The following CCDC85C variants were observed in gnomAD, a reference collection of about 807,000 sequenced individuals.
CCDC85C encodes the protein coiled-coil domain-containing protein 85C.
CCDC85C carries 18 observed loss-of-function variants against 38.3 expected under a neutral mutation model. That is an observed-to-expected ratio of 0.47 (90% CI 0.33 to 0.70). The LOEUF (loss-of-function observed/expected upper bound fraction) is 0.70, where lower values mean the gene tolerates loss of function less well. CCDC85C is among the 30% of genes least tolerant of loss of function. The pLI, the probability that CCDC85C is intolerant of heterozygous loss-of-function variation, is 0.03. For missense variants in CCDC85C, 566 were observed against 621.2 expected, an observed-to-expected ratio of 0.91 and a Z score of 0.94; for synonymous variants, 264 against 293.8, an observed-to-expected ratio of 0.90 and a Z score of 1.04.
At chr14:99,566,880 G>A (rs1241306496) in intron 1 of CCDC85C, among the ~76,000 whole-genome samples, 1 of 152,174 alleles carries the variant, frequency 6.6e-6, no homozygotes, top group East Asian at 1.9e-4. Flanking sequence ...TGAAGGGAAG[G>A]GGCCTAGATG....
rs189610682 is a variant in CCDC85C at position 99,565,311 on chromosome 14, C to T, written c.794-29223G>A. On this transcript the variant is annotated intron_variant, in intron 1 of 5. Transcript: ENST00000380243. ...GCTCAGCTCTGAGCAGGCTCTCTCA[C>T]GCCATGGAGGTCTGACCCCCAGTGC... Among the ~76,000 whole-genome samples, 8 of 152,370 alleles carry T rather than the reference C, an allele frequency of 5.3e-5. No individual in the cohort carries two copies. In the East Asian group the frequency reaches 7.7e-4, roughly 15 times the overall value.
intron 1 of CCDC85C, among the ~76,000 whole-genome samples, chr14:99,578,801 C>T (rs187749701): frequency 2.6e-5 from 4 of 152,288 alleles, no homozygotes; most frequent in South Asian, 2.1e-4. Context: ...CTTCCAAGAC[C>T]GGAGCTGGCT....
intron 1 of CCDC85C, among the ~76,000 whole-genome samples, chr14:99,590,308 C>T (rs375556422): frequency 5.3e-5 from 8 of 152,304 alleles, no homozygotes; most frequent in East Asian, 3.9e-4. Flanking sequence ...ATACTCCCTG[C>T]GCTGTTCCGT....
chr14:99,546,059 G>C lies in CCDC85C; in HGVS notation c.794-9971C>G, dbSNP rs899018321. Reference sequence around the variant, plus strand: ...ATCGCGCAGGACTGAAGTCTGCATGGGGGGGGGGAATAAACAACCCTTACC... The same window carrying C: ...ATCGCGCAGGACTGAAGTCTGCATGCGGGGGGGGAATAAACAACCCTTACC... On this transcript the variant is annotated intron_variant, in intron 1 of 5. Transcript: ENST00000380243. Among the ~76,000 whole-genome samples the C allele has an allele frequency of 4.2e-5, 5 of 118,406 alleles. 1 individual carries two copies. The highest frequency in any genetic ancestry group is 2.0e-4 in the East Asian group (1 of 5,074). 77.7% of individuals were successfully genotyped at this position (118,406 alleles called of 152,430 possible). A position where few individuals can be genotyped will look rare whatever the true frequency, so the allele number is the denominator to read the frequency against.
intron 1 of CCDC85C, among the ~76,000 whole-genome samples, chr14:99,539,545 T>G (rs1897671124): frequency 1.3e-5 from 2 of 152,106 alleles, no homozygotes; most frequent in Admixed American, 1.3e-4. Flanking sequence ...AAATAACTAT[T>G]TGTCCAACAA....
chr14:99,516,510 C>T lies in CCDC85C; in HGVS notation c.1072-224G>A, dbSNP rs947771982. 1.1e-4 allele frequency among the ~76,000 whole-genome samples: 17 copies of T among 152,144 alleles called. No homozygotes were observed. The highest frequency in any genetic ancestry group is 3.9e-4 in the East Asian group (2 of 5,190). Reference sequence around the variant, plus strand: ...GGAAGCAGCTCATGGCTGGGCCACCCGGGAGGAAGTAGACAGGCTGGGCAA... The same window carrying T: ...GGAAGCAGCTCATGGCTGGGCCACCTGGGAGGAAGTAGACAGGCTGGGCAA... On this transcript the variant is annotated intron_variant, in intron 4 of 5. Coordinates refer to ENST00000380243, the MANE Select transcript of CCDC85C (RefSeq NM_001144995.2). The surrounding 1 kb of genome is among the most constrained non-coding windows in gnomAD (Gnocchi z 5.5).
chr14:99,563,948 C>G (rs1248737633), intron 1 of CCDC85C, among the ~76,000 whole-genome samples: 1 of 152,206 alleles, frequency 6.6e-6, no homozygotes, highest in Non-Finnish European at 1.5e-5. Context: ...TTGGCCATTT[C>G]AAGCATCGCT....
rs773964458 is a variant in CCDC85C, at chr14:99,515,222, G to T, written c.*24C>A. On this transcript the variant is annotated 3_prime_UTR_variant, in exon 6 of 6. Transcript: ENST00000380243. ...CCCCTGGGGACCCCCAGCAGGGCCAGTCCACGTCCACAGAAGAGTGGCCCT... is the reference window on the plus strand; with the variant it reads ...CCCCTGGGGACCCCCAGCAGGGCCATTCCACGTCCACAGAAGAGTGGCCCT... The T allele has an allele frequency of 6.5e-7, 1 of 1,535,840 alleles. No homozygotes were observed. Among genetic ancestry groups the T allele is most frequent in the Non-Finnish European group, 8.8e-7 (1 of 1,134,352 alleles).
chr14:99,582,997 T>C (rs1374293643), intron 1 of CCDC85C: 1 of 152,198 alleles, frequency 6.6e-6, no homozygotes, highest in African/African-American at 2.4e-5. Flanking sequence ...AATTTTTCCA[T>C]AAATTTAAAA....
At position 99,601,181 on chromosome 14, in the gene CCDC85C, G is replaced by A. The variant is rs182478797; in HGVS notation, c.793+1986C>T. On this transcript the variant is annotated intron_variant, in intron 1 of 5. Transcript: ENST00000380243. Reference sequence around the variant, plus strand: ...AATAATAATAATTCCATCTGTAACCGAAATTTGTAATAATAATGCTGAATT... The same window carrying A: ...AATAATAATAATTCCATCTGTAACCAAAATTTGTAATAATAATGCTGAATT... 4.9e-3 allele frequency among the ~76,000 whole-genome samples: 749 copies of A among 152,294 alleles called. 5 individuals are homozygous for A. The highest frequency in any genetic ancestry group is 6.5e-3 in the Non-Finnish European group (443 of 68,028).
chr14:99,577,478 T>C (rs1297679591), intron 1 of CCDC85C, among the ~76,000 whole-genome samples: 1 of 150,956 alleles, frequency 6.6e-6, no homozygotes, highest in East Asian at 2.0e-4. Flanking sequence ...GCACGCCGCC[T>C]CACCTCTCTG....
chr14:99,565,699 C>G (rs189109656), intron 1 of CCDC85C, among the ~76,000 whole-genome samples: 2 of 152,152 alleles, frequency 1.3e-5, no homozygotes, highest in Non-Finnish European at 2.9e-5. Context: ...GGGAGGACAC[C>G]GGCCCCCACC....
intron 1 of CCDC85C, among the ~76,000 whole-genome samples, chr14:99,580,348 G>C (rs1815713607): frequency 6.6e-6 from 1 of 151,260 alleles, no homozygotes; most frequent in Non-Finnish European, 1.5e-5. Context: ...ACACCTCCCA[G>C]AGTCACCGTG....
chr14:99,589,803 C>A (rs1359327520), intron 1 of CCDC85C, among the ~76,000 whole-genome samples: 1 of 152,306 alleles, frequency 6.6e-6, no homozygotes, highest in East Asian at 1.9e-4. Context: ...TGTCATGATC[C>A]CCAAAATAAA....
chr14:99,536,183 T>A (rs1206789134), intron 1 of CCDC85C, 95 bp from the exon 2 acceptor site: 1 of 917,750 alleles, frequency 1.1e-6, no homozygotes, highest in Non-Finnish European at 1.7e-6. Flanking sequence ...CATGGAAGGT[T>A]TGGGTCTGAG....
chr14:99,506,871 G>A lies in CCDC85C; in HGVS notation c.*8375C>T. Reference sequence around the variant, plus strand: ...TGGGCTGCCTGTGGGAAGCTCGCAGGTCTTTTGGAGGGAGGTGGCATTTAA... The same window carrying A: ...TGGGCTGCCTGTGGGAAGCTCGCAGATCTTTTGGAGGGAGGTGGCATTTAA... On this transcript the variant is annotated 3_prime_UTR_variant, in exon 6 of 6. Transcript: ENST00000380243. 1 of 547,400 alleles carries A rather than the reference G, an allele frequency of 1.8e-6. No individual in the cohort carries two copies. The highest frequency in any genetic ancestry group is 3.1e-5 in the East Asian group (1 of 31,938). The allele number at this position is 547,400 out of a possible 1,614,324, so 33.9% of individuals were successfully genotyped here.
intron 2 of CCDC85C, among the ~76,000 whole-genome samples, chr14:99,525,565 T>C (rs1897367956): frequency 6.6e-6 from 1 of 152,252 alleles, no homozygotes; most frequent in African/African-American, 2.4e-5. Context: ...CCCTCAAATG[T>C]GCTGCATCGG....
chr14:99,580,988 T>A (rs902304391), intron 1 of CCDC85C, among the ~76,000 whole-genome samples: 9 of 152,134 alleles, frequency 5.9e-5, no homozygotes, highest in Non-Finnish European at 1.2e-4. Context: ...CTGAACCTGA[T>A]GCTGAGGGGT....
At position 99,502,243 on chromosome 14, in the gene CCDC85C, G is replaced by T; in HGVS notation, c.*13003C>A. 6.2e-7 allele frequency: 1 copy of T among 1,603,336 alleles called. No individual in the cohort carries two copies. Among genetic ancestry groups the T allele is most frequent in the South Asian group, 1.1e-5 (1 of 88,998 alleles). ...CCTTGTCACTGCAGTGGGAACCAGA[G>T]ATCATAGCAGTAGCAGTGATGTATC... On this transcript the variant is annotated 3_prime_UTR_variant, in exon 6 of 6. Coordinates refer to ENST00000380243, the MANE Select transcript of CCDC85C (RefSeq NM_001144995.2).
Sources: gnomAD v4.1 joint callset for allele counts (sites outside exome capture counted in the v4.1 genomes callset) on GRCh38, gnomAD v4.1.1 for gene constraint, Gnocchi (gnomAD v3.1) non-coding constraint, MANE v1.5 for transcripts, NCBI Gene and HGNC (gene_info 2026-07-23, HGNC 2026-07-21) for gene names.